Variants in KAT6B observed in about 807,000 individuals in gnomAD.
KAT6B encodes lysine acetyltransferase 6B.
Under a neutral mutation model 187.5 loss-of-function variants are expected in KAT6B, and 10 were observed. The ratio of observed to expected loss-of-function variants is 0.05; its 90% confidence interval spans 0.03 to 0.09. KAT6B has a LOEUF of 0.09. Ranked by LOEUF, KAT6B falls within the 10% of genes least tolerant of loss-of-function variation. KAT6B has a pLI of 1.00. For missense variants in KAT6B, 1,952 were observed against 2,558.9 expected (o/e 0.76, Z 5.12); for synonymous variants, 861 against 926.8 (o/e 0.93, Z 1.29).
At chr10:74,882,319 A>G (rs1844910735) in intron 3 of KAT6B, among the ~76,000 whole-genome samples, 1 of 152,096 alleles carries the variant, frequency 6.6e-6, no homozygotes, top group South Asian at 2.1e-4. Context: ...TGCATGTTTG[A>G]CTTTTAGTTA....
chr10:74,861,473 A>G lies in KAT6B; in HGVS notation c.621+17995A>G, dbSNP rs189443925. Among the ~76,000 whole-genome samples, 292 of 152,352 alleles carry G rather than the reference A, an allele frequency of 1.9e-3. 1 individual carries two copies. Among genetic ancestry groups the G allele is most frequent in the African/African-American group, 6.8e-3 (282 of 41,586 alleles). The stretch of plus-strand genomic sequence containing the variant: ...AGGCACTACTTCAAGTGCTTTGTGT[A>G]TAACCTGTTTGTAAGGTAGGACTAT... On this transcript the variant is annotated intron_variant, in intron 3 of 17. Coordinates refer to ENST00000287239, the MANE Select transcript of KAT6B (RefSeq NM_012330.4).
chr10:74,913,800 C>G (rs908253681), intron 3 of KAT6B, among the ~76,000 whole-genome samples: 4 of 152,204 alleles, frequency 2.6e-5, no homozygotes, highest in African/African-American at 9.6e-5. Context: ...CAGGGTTTCC[C>G]CAGCAGAGAG....
At chr10:74,912,293 CATG>C (rs1847271461) in intron 3 of KAT6B, among the ~76,000 whole-genome samples, 1 of 150,468 alleles carries the variant, frequency 6.6e-6, no homozygotes, top group Non-Finnish European at 1.5e-5. Context: ...TTGATTGTCT[CATG>C]TATGTATGTA....
rs142990383 is a variant in KAT6B at position 74,828,968 on chromosome 10, T to A, written c.-329+2183T>A. On this transcript the variant is annotated intron_variant, in intron 1 of 17. Transcript: ENST00000287239. The stretch of plus-strand genomic sequence containing the variant: ...ACATGTTTTTTCTTTTCCGAGAACT[T>A]CTACTGAGAGTTAAAGGTTGGAGTG... Among the ~76,000 whole-genome samples, 977 of 151,242 alleles carry A rather than the reference T, an allele frequency of 6.5e-3. 8 individuals are homozygous for A. Among genetic ancestry groups the A allele is most frequent in the South Asian group, 0.018 (85 of 4,808 alleles).
chr10:74,849,581 G>A (rs1179790484), intron 3 of KAT6B, among the ~76,000 whole-genome samples: 1 of 152,148 alleles, frequency 6.6e-6, no homozygotes, highest in Admixed American at 6.5e-5. Flanking sequence ...ACAGGCTTGT[G>A]AGCCACCGTG....
rs1187700078 is a variant in KAT6B at position 74,975,590 on chromosome 10, C to T, written c.1253C>T (p.Thr418Ile). The T allele has an allele frequency of 1.2e-6, 2 of 1,614,102 alleles. No individual in the cohort carries two copies. Among genetic ancestry groups the T allele is most frequent in the Non-Finnish European group, 1.7e-6 (2 of 1,180,028 alleles). Residue 418 changes from threonine to isoleucine, a missense_variant, in exon 8 of 18, where the codon ACC becomes ATC. Transcript: ENST00000287239. ...ACCACCAAAATCACCACCACCTCCA[C>T]CTACATTTCTGCCTCTACACTTAAA... ...GATTKITTTS[T>I]YISASTLKVN...
intron 3 of KAT6B, among the ~76,000 whole-genome samples, chr10:74,930,824 G>T (rs1443851268): frequency 6.6e-6 from 1 of 152,148 alleles, no homozygotes; most frequent in Admixed American, 6.5e-5. Context: ...CATTTGTGAA[G>T]AATCTGAATG....
chr10:74,844,117 G>A (rs890287649), intron 3 of KAT6B, among the ~76,000 whole-genome samples: 13 of 152,014 alleles, frequency 8.6e-5, no homozygotes, highest in East Asian at 3.9e-4. Context: ...CAAGTGATGC[G>A]CCCGCCTCGG....
At chr10:74,895,339 C>T (rs886176804) in intron 3 of KAT6B, among the ~76,000 whole-genome samples, 1 of 150,164 alleles carries the variant, frequency 6.7e-6, no homozygotes, top group African/African-American at 2.5e-5. Context: ...CATAAGTTGC[C>T]TTTTCACTTT....
intron 13 of KAT6B, among the ~76,000 whole-genome samples, chr10:75,006,824 T>C (rs935128520): frequency 8.0e-5 from 11 of 138,182 alleles, no homozygotes; most frequent in Non-Finnish European, 1.5e-4. Context: ...CCCAGCACTT[T>C]GGGAGGCCGA....
rs1554912247 is a variant in KAT6B, at chr10:74,830,748, A to ATATATATATATG, written c.-329+3974_-329+3975insGTATATATATAT. On this transcript the variant is annotated intron_variant, in intron 1 of 17. Transcript: ENST00000287239. ...CAGCTCTTCATATATATATATATAT[A>ATATATATATATG]TATATATATATATATATATATTTTT... Among the ~76,000 whole-genome samples the ATATATATATATG allele has an allele frequency of 3.3e-3, 62 of 19,050 alleles. 3 individuals are homozygous for ATATATATATATG. Among genetic ancestry groups the ATATATATATATG allele is most frequent in the African/African-American group, 0.025 (59 of 2,334 alleles). The allele number at this position is 19,050 out of a possible 152,430, so 12.5% of individuals were successfully genotyped here.
At chr10:74,897,042 G>T (rs753070513) in intron 3 of KAT6B, among the ~76,000 whole-genome samples, 1 of 152,096 alleles carries the variant, frequency 6.6e-6, no homozygotes, top group Non-Finnish European at 1.5e-5. Flanking sequence ...TACTCTACTT[G>T]ATTATATTGT....
At position 74,975,808 on chromosome 10, in the gene KAT6B, CCTT is replaced by C. The variant is rs1842118115; in HGVS notation, c.1476_1478del (p.Ser493del). 6.2e-7 allele frequency: 1 copy of C among 1,614,212 alleles called. No homozygotes were observed. Among genetic ancestry groups the C allele is most frequent in the East Asian group, 2.2e-5 (1 of 44,886 alleles). Reference sequence around the variant, plus strand: ...TACCACACAAAAGCTAAAACCTCCACCTTCTTCACTTCCACCCCCAACCCCCAT... The same window carrying C: ...TACCACACAAAAGCTAAAACCTCCACCTTCACTTCCACCCCCAACCCCCAT... On this transcript the variant is annotated inframe_deletion, in exon 8 of 18. Coordinates refer to ENST00000287239, the MANE Select transcript of KAT6B (RefSeq NM_012330.4).
At chr10:74,959,582 G>A (rs974751550) in intron 3 of KAT6B, among the ~76,000 whole-genome samples, 1 of 152,096 alleles carries the variant, frequency 6.6e-6, no homozygotes. Flanking sequence ...ATGAGGTCAG[G>A]AGATCGAGAC....
chr10:75,007,450 A>G (rs7924211), intron 13 of KAT6B, among the ~76,000 whole-genome samples: 18,830 of 152,190 alleles, frequency 0.12, 2,288 homozygotes, highest in African/African-American at 0.31. Flanking sequence ...GATTAAAATG[A>G]CATTAAGATT....
chr10:74,853,620 C>CTT (rs542210569), intron 3 of KAT6B, among the ~76,000 whole-genome samples: 1,618 of 122,578 alleles, frequency 0.013, 24 homozygotes, highest in Middle Eastern at 0.049. Context: ...TAAGAAATGC[C>CTT]TTTTTTTTTT....
In KAT6B at chr10:74,975,357, T is replaced by C. The variant is rs375859579; in HGVS notation, c.1062-42T>C. 2.2e-5 allele frequency: 34 copies of C among 1,545,084 alleles called. No homozygotes were observed. The African/African-American group carries it at 3.1e-4, about 14-fold the overall frequency. On this transcript the variant is annotated intron_variant, in intron 7 of 17. Transcript: ENST00000287239. ...TTGTTTTTAGATACCTTTATAATTC[T>C]ATTTATTAAATGCTGATACTATTCT...
rs12250782 is a variant in KAT6B at position 74,879,939 on chromosome 10, A to G, written c.621+36461A>G. On this transcript the variant is annotated intron_variant, in intron 3 of 17. Transcript: ENST00000287239. ...GTGAAACCCCGTCTCTACTAAAAAT[A>G]CAAAAATTAGCTGGACATGGTGACA... Among the ~76,000 whole-genome samples the G allele has an allele frequency of 6.7e-3, 1,016 of 152,314 alleles. 14 individuals carry two copies. Among genetic ancestry groups the G allele is most frequent in the African/African-American group, 0.022 (912 of 41,574 alleles).
rs746074814 is a variant in KAT6B at position 74,871,185 on chromosome 10, C to CTTT, written c.621+27730_621+27732dup. On this transcript the variant is annotated intron_variant, in intron 3 of 17. Coordinates refer to ENST00000287239, the MANE Select transcript of KAT6B (RefSeq NM_012330.4). ...ACAGGTGTGAGCCACCAAGCCTGGC[C>CTTT]TTTTTTTTTTTTTTTTTTTTTTTTT... Among the ~76,000 whole-genome samples the CTTT allele has an allele frequency of 1.5e-3, 114 of 76,736 alleles. 5 individuals are homozygous for CTTT. The highest frequency in any genetic ancestry group is 3.5e-3 in the African/African-American group (57 of 16,478). 50.3% of individuals were successfully genotyped at this position (76,736 alleles called of 152,430 possible). A position where few individuals can be genotyped will look rare whatever the true frequency, so the allele number is the denominator to read the frequency against.
Sources: gnomAD v4.1 joint callset for allele counts (sites outside exome capture counted in the v4.1 genomes callset) on GRCh38, gnomAD v4.1.1 for gene constraint, MANE v1.5 for transcripts, NCBI Gene and HGNC (gene_info 2026-07-23, HGNC 2026-07-21) for gene names.